Variants in PDE10A observed in about 807,000 individuals in gnomAD.
PDE10A encodes the protein phosphodiesterase 10A, also known as cAMP and cAMP-inhibited cGMP 3',5'-cyclic phosphodiesterase 10A.
In PDE10A, 39 loss-of-function variants were observed where a neutral mutation model predicts 97.7. That is an observed-to-expected ratio of 0.40 (90% CI 0.31 to 0.52). PDE10A has a LOEUF of 0.52. Ranked by LOEUF, PDE10A falls within the 20% of genes least tolerant of loss-of-function variation. The pLI is 0.56. For synonymous variants in PDE10A, 371 were observed against 376.8 expected (o/e 0.98, Z 0.18); for missense variants, 731 against 1,047.8 (o/e 0.70, Z 4.17).
chr6:165,724,497 A>G, intron 1 of PDE10A, among the ~76,000 whole-genome samples: 1 of 152,210 alleles, frequency 6.6e-6, no homozygotes, highest in East Asian at 1.9e-4. Context: ...GCTCGCCCCC[A>G]TGGCTTCAGA....
At chr6:165,466,120 G>C (rs895925822) in intron 3 of PDE10A, among the ~76,000 whole-genome samples, 1 of 152,136 alleles carries the variant, frequency 6.6e-6, no homozygotes, top group African/African-American at 2.4e-5. Flanking sequence ...CATTAGCTCA[G>C]TTCAATAAAA....
At chr6:165,524,585 G>T (rs1349745651) in intron 2 of PDE10A, among the ~76,000 whole-genome samples, 1 of 152,052 alleles carries the variant, frequency 6.6e-6, no homozygotes, top group Non-Finnish European at 1.5e-5. Context: ...ACAAAGTGAT[G>T]AAAAAAATGA....
chr6:165,838,280 C>T (rs1036375543), intron 1 of PDE10A, among the ~76,000 whole-genome samples: 2 of 152,178 alleles, frequency 1.3e-5, no homozygotes, highest in Non-Finnish European at 2.9e-5. Context: ...TTGGCCAAAA[C>T]AAAGTGAAGC....
At chr6:165,926,596 G>C (rs980199519) in intron 1 of PDE10A, among the ~76,000 whole-genome samples, 6 of 152,254 alleles carry the variant, frequency 3.9e-5, no homozygotes, top group Non-Finnish European at 7.4e-5. Flanking sequence ...CCCTGCACTG[G>C]ATGACAGGAA....
intron 1 of PDE10A, among the ~76,000 whole-genome samples, chr6:165,779,998 G>C (rs940639912): frequency 2.0e-5 from 3 of 152,106 alleles, no homozygotes; most frequent in African/African-American, 7.2e-5. Flanking sequence ...AAAAACACCT[G>C]TTCTTGCCTC....
chr6:165,847,251 C>T (rs1410841402), intron 1 of PDE10A, among the ~76,000 whole-genome samples: 1 of 152,174 alleles, frequency 6.6e-6, no homozygotes, highest in Non-Finnish European at 1.5e-5. Flanking sequence ...GTACCGGGAG[C>T]TTGGCAGAGC....
intron 2 of PDE10A, among the ~76,000 whole-genome samples, chr6:165,536,388 G>T (rs1320831458): frequency 2.6e-5 from 4 of 151,890 alleles, no homozygotes; most frequent in African/African-American, 7.2e-5. Flanking sequence ...ATGCAACAGG[G>T]CATTGGTCTG....
intron 13 of PDE10A, among the ~76,000 whole-genome samples, chr6:165,404,996 A>G (rs879661582): frequency 3.9e-5 from 6 of 152,194 alleles, no homozygotes; most frequent in African/African-American, 7.2e-5. Context: ...CTATGGCACC[A>G]TAGAGAGTTC....
intron 1 of PDE10A, among the ~76,000 whole-genome samples, chr6:165,726,732 G>T (rs929761429): frequency 6.6e-6 from 1 of 152,224 alleles, no homozygotes; most frequent in African/African-American, 2.4e-5. Flanking sequence ...GCCCTCCCCG[G>T]CCATCTGCGG....
intron 1 of PDE10A, among the ~76,000 whole-genome samples, chr6:165,864,096 A>C (rs1780977408): frequency 6.6e-6 from 1 of 152,178 alleles, no homozygotes; most frequent in Admixed American, 6.5e-5. Context: ...TTACCACTAA[A>C]GACACCTCAT....
intron 2 of PDE10A, among the ~76,000 whole-genome samples, chr6:165,485,472 A>AAT (rs1262884679): frequency 3.3e-5 from 5 of 150,716 alleles, no homozygotes; most frequent in African/African-American, 1.2e-4. Flanking sequence ...TGTCTCAAAA[A>AAT]AAAAAAAAAA....
At chr6:165,738,996 T>A (rs1053196280) in intron 1 of PDE10A, among the ~76,000 whole-genome samples, 7 of 152,164 alleles carry the variant, frequency 4.6e-5, no homozygotes, top group Non-Finnish European at 8.8e-5. Context: ...TGGGAGAGGA[T>A]ACAAATAAAT....
At chr6:165,610,450 G>C (rs1456346801) in intron 1 of PDE10A, among the ~76,000 whole-genome samples, 1 of 150,380 alleles carries the variant, frequency 6.6e-6, no homozygotes, top group Non-Finnish European at 1.5e-5. Context: ...AGAATAGCGT[G>C]AACCCAGGAG....
At chr6:165,843,961 C>T (rs1780332991) in intron 1 of PDE10A, among the ~76,000 whole-genome samples, 1 of 152,120 alleles carries the variant, frequency 6.6e-6, no homozygotes, top group South Asian at 2.1e-4. Flanking sequence ...AGCTCTGACC[C>T]CACCTTAGCA....
At chr6:165,828,978 A>C (rs1277754066) in intron 1 of PDE10A, among the ~76,000 whole-genome samples, 1 of 152,246 alleles carries the variant, frequency 6.6e-6, no homozygotes, top group Admixed American at 6.5e-5. Context: ...AATAGCATCT[A>C]TCTTAGATCC....
At chr6:165,666,656 C>T (rs929195894), upstream of PDE10A, among the ~76,000 whole-genome samples, 3 of 151,784 alleles carry the variant, frequency 2.0e-5, no homozygotes, top group African/African-American at 7.3e-5. Flanking sequence ...CGGCCCCCCA[C>T]CCCCGCAGTC....
chr6:165,613,602 C>T (rs996508227), intron 1 of PDE10A, among the ~76,000 whole-genome samples: 1 of 152,130 alleles, frequency 6.6e-6, no homozygotes, highest in African/African-American at 2.4e-5. Context: ...GACTGCACCA[C>T]TGCACTCCAC....
intron 1 of PDE10A, among the ~76,000 whole-genome samples, chr6:165,656,258 T>TCTCTCACACACACACA (rs1365414526): frequency 7.7e-6 from 1 of 129,840 alleles, no homozygotes; most frequent in African/African-American, 3.1e-5. Context: ...TCTCTCTCTC[T>TCTCTCACACACACACA]CACACACACA....
intron 1 of PDE10A, among the ~76,000 whole-genome samples, chr6:165,719,014 G>A (rs546222135): frequency 2.0e-5 from 3 of 152,200 alleles, no homozygotes; most frequent in Admixed American, 1.3e-4. Flanking sequence ...GAACAATATA[G>A]GGGTTTTGGA....
Sources: gnomAD v4.1 joint callset for allele counts (sites outside exome capture counted in the v4.1 genomes callset) on GRCh38, gnomAD v4.1.1 for gene constraint, MANE v1.5 for transcripts, NCBI Gene and HGNC (gene_info 2026-07-23, HGNC 2026-07-21) for gene names.